Variants in CCDC39 observed in about 807,000 individuals in gnomAD.
CCDC39 encodes coiled-coil domain 39 molecular ruler complex subunit.
A neutral mutation model predicts 121.0 loss-of-function variants in CCDC39; 113 were observed. The ratio of observed to expected loss-of-function variants is 0.93; its 90% CI spans 0.80 to 1.09. The LOEUF (loss-of-function observed/expected upper bound fraction) is 1.09, where lower values mean the gene tolerates loss of function less well. CCDC39 is among the 50% of genes least tolerant of loss of function. The probability of loss-of-function intolerance (pLI) is 0.00; values close to 1 mark genes in which losing one functional copy is unlikely to be tolerated. For synonymous variants in CCDC39, 349 were observed against 352.2 expected, an observed-to-expected ratio of 0.99 and a Z score of 0.10; for missense variants, 1,063 against 1,074.7, an observed-to-expected ratio of 0.99 and a Z score of 0.15.
At chr3:180,658,194 A>T (rs1192639445) in intron 6 of CCDC39, among the ~76,000 whole-genome samples, 1 of 151,516 alleles carries the variant, frequency 6.6e-6, no homozygotes, top group East Asian at 1.9e-4. Flanking sequence ...AGCTGAGATC[A>T]CGGCATTGCA....
chr3:180,671,868 C>CAA (rs1262113642), intron 1 of CCDC39, among the ~76,000 whole-genome samples: 1 of 152,168 alleles, frequency 6.6e-6, no homozygotes, highest in African/African-American at 2.4e-5. Flanking sequence ...CTCCACAACA[C>CAA]AAAAGTACAA....
intron 14 of CCDC39, among the ~76,000 whole-genome samples, chr3:180,624,541 GAT>G (rs1316659391): frequency 6.6e-6 from 1 of 152,004 alleles, no homozygotes; most frequent in Non-Finnish European, 1.5e-5. Context: ...TGTTGCCAGT[GAT>G]GCCTTTCTCT....
Position 180,676,234 on chromosome 3 carries a change from C to T in CCDC39, c.90+3057G>A, listed in dbSNP as rs573082634. Among the ~76,000 whole-genome samples, 97 of 152,240 alleles carry T rather than the reference C, an allele frequency of 6.4e-4. 1 individual carries two copies. Among genetic ancestry groups the T allele is most frequent in the African/African-American group, 2.2e-3 (93 of 41,548 alleles). ...ACTACAGAATGGGAGAAAATTTTTG[C>T]AATCTACTCATCTGACAAAGGGCTA... On this transcript the variant is annotated intron_variant, in intron 1 of 19. Transcript: ENST00000476379.
intron 1 of CCDC39, among the ~76,000 whole-genome samples, chr3:180,671,173 T>G (rs1712033375): frequency 7.0e-6 from 1 of 142,718 alleles, no homozygotes; most frequent in Non-Finnish European, 1.5e-5. Flanking sequence ...ATGGTGTCAC[T>G]GCACTCCAGC....
intron 12 of CCDC39, 93 bp downstream of exon 12, chr3:180,644,027 T>C: frequency 1.1e-6 from 1 of 907,338 alleles, no homozygotes; most frequent in Non-Finnish European, 1.6e-6. Flanking sequence ...AGTGACATTT[T>C]CTTTTTCATA....
At chr3:180,654,243 G>A (rs67034496) in intron 7 of CCDC39, among the ~76,000 whole-genome samples, 21,111 of 106,158 alleles carry the variant, frequency 0.2, 1,946 homozygotes, top group East Asian at 0.33. Context: ...AAAAAAAAAA[G>A]AGAGAAAGAA....
At chr3:180,675,495 A>C (rs1444631419) in intron 1 of CCDC39, among the ~76,000 whole-genome samples, 2 of 151,870 alleles carry the variant, frequency 1.3e-5, no homozygotes, top group Non-Finnish European at 2.9e-5. Context: ...TTCTGCTCTG[A>C]TCTTAATTAT....
At chr3:180,625,352 T>C (rs983656799) in intron 14 of CCDC39, among the ~76,000 whole-genome samples, 1 of 151,748 alleles carries the variant, frequency 6.6e-6, no homozygotes, top group Admixed American at 6.6e-5. Flanking sequence ...ATTTTTCTTT[T>C]TTTTTTTTTT....
intron 7 of CCDC39, among the ~76,000 whole-genome samples, chr3:180,652,770 A>G (rs1186275435): frequency 6.6e-6 from 1 of 152,138 alleles, no homozygotes; most frequent in Non-Finnish European, 1.5e-5. Flanking sequence ...CAAAAACCCT[A>G]AACTCTCCAC....
chr3:180,659,441 A>G lies in CCDC39; in HGVS notation c.738+11T>C, dbSNP rs1429840152. The G allele has an allele frequency of 6.2e-7, 1 of 1,613,068 alleles. No individual in the cohort carries two copies. Among genetic ancestry groups the G allele is most frequent in the African/African-American group, 1.3e-5 (1 of 74,920 alleles). ...CAGCTGAACATTACAAGGACCAAAC[A>G]ACTACTTTACCAAAGCACAGTTATC... On this transcript the variant is annotated intron_variant, in intron 6 of 19. Transcript: ENST00000476379.
chr3:180,626,929 A>G (rs1197240292), intron 14 of CCDC39, among the ~76,000 whole-genome samples: 1 of 152,224 alleles, frequency 6.6e-6, no homozygotes, highest in Non-Finnish European at 1.5e-5. Flanking sequence ...AATCTACTAC[A>G]TCAAGAAACA....
At chr3:180,656,744 T>C (rs765600345) in intron 6 of CCDC39, among the ~76,000 whole-genome samples, 1 of 152,160 alleles carries the variant, frequency 6.6e-6, no homozygotes, top group Non-Finnish European at 1.5e-5. Flanking sequence ...CTGACCAAGA[T>C]GGAAAAGAGA....
intron 1 of CCDC39, among the ~76,000 whole-genome samples, chr3:180,676,512 TG>T (rs1712211313): frequency 6.6e-6 from 1 of 152,242 alleles, no homozygotes; most frequent in Non-Finnish European, 1.5e-5. Context: ...GGAAAGGATG[TG>T]GAGAAATAGG....
At chr3:180,665,541 C>A (rs1343030851) in intron 1 of CCDC39, among the ~76,000 whole-genome samples, 1 of 151,762 alleles carries the variant, frequency 6.6e-6, no homozygotes, top group Non-Finnish European at 1.5e-5. Context: ...CTTTTTGTGT[C>A]ATTAAACTTT....
intron 13 of CCDC39, among the ~76,000 whole-genome samples, chr3:180,633,654 A>G (rs1717755388): frequency 6.6e-6 from 1 of 152,160 alleles, no homozygotes; most frequent in South Asian, 2.1e-4. Context: ...ACAGACCTAA[A>G]AGGGCCAACA....
At chr3:180,636,826 G>T (rs1387934305) in intron 13 of CCDC39, among the ~76,000 whole-genome samples, 1 of 152,130 alleles carries the variant, frequency 6.6e-6, no homozygotes, top group African/African-American at 2.4e-5. Flanking sequence ...ACTATCAGTG[G>T]GGAATGGACT....
At chr3:180,642,937 A>G (rs903637595) in intron 12 of CCDC39, among the ~76,000 whole-genome samples, 1 of 151,816 alleles carries the variant, frequency 6.6e-6, no homozygotes, top group African/African-American at 2.4e-5. Flanking sequence ...TGGGGAAAAT[A>G]TTTACAATAT....
Position 180,635,648 on chromosome 3 carries a change from G to C in CCDC39, c.1875-4056C>G, listed in dbSNP as rs573679871. Among the ~76,000 whole-genome samples the C allele has an allele frequency of 3.3e-3, 499 of 152,274 alleles. 1 individual carries two copies. Among genetic ancestry groups the C allele is most frequent in the Admixed American group, 6.9e-3 (106 of 15,292 alleles). Reference sequence around the variant, plus strand: ...CCTTTTACTCCATGTCTCACATCCAGGGCACACTGATACATGGGGTGGGCT... The same window carrying C: ...CCTTTTACTCCATGTCTCACATCCACGGCACACTGATACATGGGGTGGGCT... On this transcript the variant is annotated intron_variant, in intron 13 of 19. Transcript: ENST00000476379.
intron 8 of CCDC39, among the ~76,000 whole-genome samples, chr3:180,651,774 A>G (rs917232229): frequency 1.3e-5 from 2 of 152,300 alleles, no homozygotes; most frequent in Middle Eastern, 6.8e-3. Flanking sequence ...GCGGTGGCTC[A>G]CGCCTGTAAT....
Sources: gnomAD v4.1 joint callset for allele counts (sites outside exome capture counted in the v4.1 genomes callset) on GRCh38, gnomAD v4.1.1 for gene constraint, MANE v1.5 for transcripts, NCBI Gene and HGNC (gene_info 2026-07-23, HGNC 2026-07-21) for gene names.